The following PRR11 variants were observed in gnomAD, a reference collection of about 807,000 sequenced individuals.
The protein encoded by PRR11 is proline-rich protein 11.
Under a neutral mutation model 45.6 loss-of-function variants are expected in PRR11, and 30 were observed. The observed-to-expected ratio is 0.66, with a 90% confidence interval of 0.49 to 0.89. PRR11 has a LOEUF of 0.89. Ranked by LOEUF, PRR11 falls within the 40% of genes least tolerant of loss-of-function variation. The pLI is 0.00. For synonymous variants in PRR11, 128 were observed against 153.5 expected, an observed-to-expected ratio of 0.83 and a Z score of 1.23; for missense variants, 373 against 424.8, an observed-to-expected ratio of 0.88 and a Z score of 1.07.
In PRR11 at chr17:59,205,140, C is replaced by T. The variant is rs1230450990; in HGVS notation, c.*3509C>T. 6.6e-6 allele frequency among the ~76,000 whole-genome samples: 1 copy of T among 151,760 alleles called. No homozygotes were observed. The highest frequency in any genetic ancestry group is 1.5e-5 in the Non-Finnish European group (1 of 68,006). On this transcript the variant is annotated 3_prime_UTR_variant, in exon 10 of 10. Transcript: ENST00000262293. ...TGCAAAGCTGCTACTGCCATTGTAC[C>T]AGTGTTAAACTGTGTTCTACCTTGC...
In PRR11 at chr17:59,201,339, G is replaced by C. The variant is rs78577191; in HGVS notation, c.1015-224G>C. 4.8e-4 allele frequency among the ~76,000 whole-genome samples: 73 copies of C among 152,216 alleles called. 2 individuals are homozygous for C. In the East Asian group the frequency reaches 0.013, roughly 27 times the overall value. On this transcript the variant is annotated intron_variant, in intron 9 of 9. Transcript: ENST00000262293. ...CCTGAAGCCTCATGTCCACATTCTA[G>C]GCAAGAGAAGGAGAAAGGCAAATGT...
rs753532245 is a variant in PRR11, at chr17:59,178,852, G to A, written c.129-6202G>A. On this transcript the variant is annotated intron_variant, in intron 2 of 9. Coordinates refer to ENST00000262293, the MANE Select transcript of PRR11 (RefSeq NM_018304.4). ...AAAGGAATTCCCATCATTTCCTCAT[G>A]AGACAGTCACATCAGGGTGTGACTA... Among the ~76,000 whole-genome samples the A allele has an allele frequency of 3.3e-5, 5 of 152,190 alleles. No homozygotes were observed. In the East Asian group the frequency reaches 5.8e-4, roughly 18 times the overall value.
chr17:59,157,387 A>G (rs888294269), intron 1 of PRR11, among the ~76,000 whole-genome samples: 2 of 152,158 alleles, frequency 1.3e-5, no homozygotes, highest in African/African-American at 4.8e-5. Flanking sequence ...TGCAAAAGAG[A>G]TGACATTTCA....
At chr17:59,195,033 G>T (rs1255312456) in intron 6 of PRR11, among the ~76,000 whole-genome samples, 178 bp downstream of exon 6, 1 of 152,186 alleles carries the variant, frequency 6.6e-6, no homozygotes, top group Non-Finnish European at 1.5e-5. Context: ...GGGGTCGGGG[G>T]TGCTGGAGGG....
chr17:59,166,113 G>GT (rs2046678931), intron 1 of PRR11, among the ~76,000 whole-genome samples: 1 of 152,182 alleles, frequency 6.6e-6, no homozygotes, highest in African/African-American at 2.4e-5. Flanking sequence ...CCAGCGCTCA[G>GT]TTTTTACAAC....
Position 59,201,585 on chromosome 17 carries a change from C to A in PRR11, c.1037C>A (p.Thr346Asn). Residue 346 changes from threonine (T) to asparagine (N), a missense_variant, in exon 10 of 10, where the codon ACT becomes AAT. By Grantham distance (65) the Thr-to-Asn change is moderately conservative. Coordinates refer to ENST00000262293, the MANE Select transcript of PRR11 (RefSeq NM_018304.4). ...KFQLAHPRSP[T>N]PTLPLSTSSF... ...TAGCTGGCTCACCCTAGAAGCCCAA[C>A]TCCAACTCTGCCACTTTCTACAAGC... 6.2e-7 allele frequency: 1 copy of A among 1,612,958 alleles called. No homozygotes were observed. Among genetic ancestry groups the A allele is most frequent in the Middle Eastern group, 1.7e-4 (1 of 6,058 alleles).
At chr17:59,198,253 T>TG (rs2046876205) in intron 9 of PRR11, among the ~76,000 whole-genome samples, 1 of 152,038 alleles carries the variant, frequency 6.6e-6, no homozygotes, top group South Asian at 2.1e-4. Flanking sequence ...CAGGTAGGAT[T>TG]GGCCGGGCAC....
intron 4 of PRR11, among the ~76,000 whole-genome samples, chr17:59,191,915 C>A (rs918451870): frequency 2.6e-5 from 4 of 152,182 alleles, no homozygotes; most frequent in Non-Finnish European, 5.9e-5. Flanking sequence ...CATTTAACTC[C>A]TCTGGGCCTC....
Position 59,201,928 on chromosome 17 carries a change from G to A in PRR11, c.*297G>A, listed in dbSNP as rs537978629. 21 of 309,268 alleles carry A rather than the reference G, an allele frequency of 6.8e-5. No homozygotes were observed. Among genetic ancestry groups the A allele is most frequent in the Non-Finnish European group, 9.3e-5 (15 of 160,440 alleles). 19.2% of individuals were successfully genotyped at this position (309,268 alleles called of 1,614,324 possible). On this transcript the variant is annotated 3_prime_UTR_variant, in exon 10 of 10. Coordinates refer to ENST00000262293, the MANE Select transcript of PRR11 (RefSeq NM_018304.4). ...AGAGGTTGCAGTGAGCCAAGATCGC[G>A]TCATTGCACTCCAGCCTGAGCAACA...
At chr17:59,188,942 A>AAATAATAATAATAATAAT (rs56917280) in intron 4 of PRR11, among the ~76,000 whole-genome samples, 3 of 144,348 alleles carry the variant, frequency 2.1e-5, no homozygotes, top group Admixed American at 7.0e-5. Context: ...TGTGTCTCAA[A>AAATAATAATAATAATAAT]AATAATAATA....
At chr17:59,196,620 A>AC (rs2046867203) in intron 7 of PRR11, among the ~76,000 whole-genome samples, 1 of 151,378 alleles carries the variant, frequency 6.6e-6, no homozygotes, top group Non-Finnish European at 1.5e-5. Context: ...CAAATGACCC[A>AC]CCCCCCTCGG....
intron 1 of PRR11, among the ~76,000 whole-genome samples, chr17:59,169,227 T>C (rs1008456940): frequency 6.8e-6 from 1 of 147,196 alleles, no homozygotes; most frequent in Non-Finnish European, 1.5e-5. Flanking sequence ...GCCTCCCCAA[T>C]AGCTGGGATT....
intron 2 of PRR11, chr17:59,175,175 C>T (rs1292623782): frequency 2.0e-6 from 1 of 504,800 alleles, no homozygotes; most frequent in Non-Finnish European, 3.6e-6. Flanking sequence ...CCAGGAGAGA[C>T]CTCTGGCTGA....
In PRR11 at chr17:59,185,082, C is replaced by G. The variant is rs781268328; in HGVS notation, c.157C>G (p.Gln53Glu). The change falls in exon 3 of 10, where the codon CAA becomes GAA. Residue 53 changes from glutamine (Q) to glutamate (E), a missense_variant. By Grantham distance (29) the Gln-to-Glu change is conservative (BLOSUM62 2). Transcript: ENST00000262293. The stretch of plus-strand genomic sequence containing the variant: ...CGGTATTTCTTCAATAGATATATCT[C>G]AAAGCAGAAGCTGGCTAACATCATC... ...RVGISSIDISQSRSWLTSSWN... is the reference protein window; with the variant it reads ...RVGISSIDISESRSWLTSSWN... 2 of 1,609,370 alleles carry G rather than the reference C, an allele frequency of 1.2e-6. No individual in the cohort carries two copies. Among genetic ancestry groups the G allele is most frequent in the South Asian group, 2.2e-5 (2 of 90,932 alleles).
intron 9 of PRR11, 85 bp downstream of exon 9, chr17:59,197,874 C>T: frequency 8.4e-7 from 1 of 1,184,244 alleles, no homozygotes; most frequent in Non-Finnish European, 1.2e-6. Context: ...AATCCTAACA[C>T]TTTGGGAGGC....
rs147670891 is a variant in PRR11 at position 59,163,926 on chromosome 17, G to A, written c.-5-5822G>A. 4.8e-3 allele frequency among the ~76,000 whole-genome samples: 728 copies of A among 152,148 alleles called. 4 individuals carry two copies. Among genetic ancestry groups the A allele is most frequent in the African/African-American group, 0.017 (696 of 41,524 alleles). On this transcript the variant is annotated intron_variant, in intron 1 of 9. Coordinates refer to ENST00000262293, the MANE Select transcript of PRR11 (RefSeq NM_018304.4). ...CTAAAAATACAAAACTTAGCCTGGC[G>A]CCGTGGCAGGCGCCTGTAATCCCAA...
intron 1 of PRR11, among the ~76,000 whole-genome samples, chr17:59,158,740 A>G (rs571825856): frequency 6.6e-6 from 1 of 152,220 alleles, no homozygotes; most frequent in Non-Finnish European, 1.5e-5. Flanking sequence ...AAAAATGAAA[A>G]AAGTGAAGGC....
At chr17:59,185,325 A>G (rs2046808939) in intron 3 of PRR11, 115 bp from the exon 4 acceptor site, 1 of 1,515,288 alleles carries the variant, frequency 6.6e-7, no homozygotes, top group Admixed American at 2.1e-5. Context: ...GAAATTATTG[A>G]GTCAAGTCTG....
At position 59,194,811 on chromosome 17, in the gene PRR11, A is replaced by G; in HGVS notation, c.700A>G (p.Thr234Ala). ...PMQITVKDLL[T>A]VKLKKTQSLD... ...GCAGATAACAGTTAAAGATCTGCTG[A>G]CTGTAAAATTAAAGAAGACACAGAG... The change falls in exon 6 of 10, where the codon ACT becomes GCT. Residue 234 changes from threonine to alanine, a missense_variant. Coordinates refer to ENST00000262293, the MANE Select transcript of PRR11 (RefSeq NM_018304.4). The G allele has an allele frequency of 1.2e-6, 2 of 1,614,014 alleles. No homozygotes were observed. Among genetic ancestry groups the G allele is most frequent in the Non-Finnish European group, 8.5e-7 (1 of 1,179,918 alleles).
Sources: allele counts gnomAD v4.1 joint callset (sites outside exome capture counted in the v4.1 genomes callset), GRCh38; gene constraint gnomAD v4.1.1; transcripts MANE v1.5; gene names NCBI Gene and HGNC (gene_info 2026-07-23, HGNC 2026-07-21).